The following MECOM variants were observed in gnomAD, a reference collection of about 807,000 sequenced individuals.
MECOM encodes MDS1 and EVI1 complex locus.
A neutral mutation model predicts 116.3 loss-of-function variants in MECOM; 13 were observed. That is an observed-to-expected ratio of 0.11 (90% CI 0.07 to 0.18). The LOEUF is 0.18. MECOM is among the 10% of genes least tolerant of loss of function. The pLI, the probability that MECOM is intolerant of heterozygous loss-of-function variation, is 1.00. For missense variants in MECOM, 1,299 were observed against 1,509.0 expected (o/e 0.86, Z 2.31); for synonymous variants, 528 against 535.2 (o/e 0.99, Z 0.19).
Position 169,344,193 on chromosome 3 carries a change from G to A in MECOM, c.375+36994C>T, listed in dbSNP as rs566356854. ...AACATAAGTTGGAATACTATACTGC[G>A]TGTGTATGGATGTGTGTCTATATCA... On this transcript the variant is annotated intron_variant, in intron 2 of 16. Coordinates refer to ENST00000651503, the MANE Select transcript of MECOM (RefSeq NM_004991.4). Among the ~76,000 whole-genome samples, 8 of 152,160 alleles carry A rather than the reference G, an allele frequency of 5.3e-5. No individual in the cohort carries two copies. In the East Asian group the frequency reaches 1.2e-3, roughly 22 times the overall value.
intron 2 of MECOM, among the ~76,000 whole-genome samples, chr3:169,184,036 T>C (rs925223544): frequency 6.6e-6 from 1 of 151,794 alleles, no homozygotes. Context: ...GGCTAATTTT[T>C]TGTATTTTTA....
chr3:169,466,973 T>G (rs1748417149), intron 1 of MECOM: 1 of 152,218 alleles, frequency 6.6e-6, no homozygotes, highest in Admixed American at 6.5e-5. Context: ...CAAATGTTGT[T>G]GAAATGTACA....
chr3:169,604,246 CCTCCCTCTCTCTCTTTCTCTCTCTCT>C (rs1188554937), intron 1 of MECOM, among the ~76,000 whole-genome samples: 1 of 151,152 alleles, frequency 6.6e-6, no homozygotes, highest in Non-Finnish European at 1.5e-5. Flanking sequence ...TCTCTCCCTC[CCTCCCTCTCTCTCTTTCTCTCTCTCT>C]CTCCCTCCCT....
At chr3:169,346,304 A>G (rs911873516) in intron 2 of MECOM, among the ~76,000 whole-genome samples, 4 of 152,240 alleles carry the variant, frequency 2.6e-5, no homozygotes, top group African/African-American at 7.2e-5. Context: ...TATGAACTGC[A>G]TATTTTCAAA....
intron 10 of MECOM, among the ~76,000 whole-genome samples, chr3:169,105,352 T>G (rs1725027241): frequency 1.3e-5 from 2 of 152,114 alleles, no homozygotes; most frequent in African/African-American, 4.8e-5. Flanking sequence ...CTCTATTGAG[T>G]GCACAGATCA....
chr3:169,383,827 C>G (rs137959204), intron 1 of MECOM, among the ~76,000 whole-genome samples: 2 of 152,280 alleles, frequency 1.3e-5, no homozygotes, highest in Admixed American at 1.3e-4. Context: ...AGGGAACCCC[C>G]AAGTTAGAGT....
intron 3 of MECOM, 70 bp from the exon 4 acceptor site, chr3:169,131,601 G>A (rs1734734716): frequency 8.5e-7 from 1 of 1,178,330 alleles, no homozygotes; most frequent in South Asian, 1.3e-5. Context: ...CAAAGGGCAA[G>A]ATATACACTA....
intron 2 of MECOM, among the ~76,000 whole-genome samples, chr3:169,166,705 A>C (rs1743648123): frequency 6.6e-6 from 1 of 152,220 alleles, no homozygotes; most frequent in Non-Finnish European, 1.5e-5. Context: ...GAGTAAACTA[A>C]GAGTTCAAAC....
intron 2 of MECOM, among the ~76,000 whole-genome samples, chr3:169,308,311 T>C (rs1466300035): frequency 2.6e-5 from 4 of 152,200 alleles, no homozygotes; most frequent in Admixed American, 2.0e-4. Flanking sequence ...ATGTAAACAT[T>C]GGGAATGTAA....
intron 2 of MECOM, among the ~76,000 whole-genome samples, chr3:169,367,078 C>G (rs889314311): frequency 5.9e-5 from 9 of 152,024 alleles, no homozygotes; most frequent in African/African-American, 2.2e-4. Context: ...CAAATCCAGT[C>G]GCTGGGTAAC....
chr3:169,205,673 G>T (rs1749827991), intron 2 of MECOM, among the ~76,000 whole-genome samples: 2 of 152,200 alleles, frequency 1.3e-5, no homozygotes, highest in South Asian at 4.1e-4. Flanking sequence ...GGAAGAGGAA[G>T]ATTGACATAA....
intron 2 of MECOM, among the ~76,000 whole-genome samples, chr3:169,197,277 T>A (rs1373061330): frequency 2.6e-5 from 4 of 151,374 alleles, no homozygotes; most frequent in Admixed American, 6.6e-5. Flanking sequence ...ACAATTTACC[T>A]GTATAACAAA....
At chr3:169,279,336 T>C (rs1167627986) in intron 2 of MECOM, among the ~76,000 whole-genome samples, 1 of 152,146 alleles carries the variant, frequency 6.6e-6, no homozygotes, top group Non-Finnish European at 1.5e-5. Context: ...ATTAGCTGGG[T>C]CAGTTTCTTC....
At chr3:169,663,282 T>G in intron 1 of MECOM, 54 bp downstream of exon 1, 1 of 1,572,358 alleles carries the variant, frequency 6.4e-7, no homozygotes, top group African/African-American at 1.4e-5. Context: ...GAGACAGATA[T>G]GCAAGATGGC....
chr3:169,337,932 C>T (rs1003412720), intron 2 of MECOM, among the ~76,000 whole-genome samples: 8 of 152,264 alleles, frequency 5.3e-5, no homozygotes, highest in Admixed American at 2.6e-4. Flanking sequence ...CCTATCTGTC[C>T]TTTGTGACTA....
intron 2 of MECOM, among the ~76,000 whole-genome samples, chr3:169,244,958 C>A (rs777270373): frequency 2.0e-5 from 3 of 151,996 alleles, no homozygotes; most frequent in Non-Finnish European, 4.4e-5. Flanking sequence ...CTCCATCACA[C>A]ACAAAAAAAC....
At chr3:169,262,730 A>C (rs1757714933) in intron 2 of MECOM, among the ~76,000 whole-genome samples, 1 of 152,140 alleles carries the variant, frequency 6.6e-6, no homozygotes. Flanking sequence ...GACATCGATT[A>C]AGACATAAAC....
chr3:169,325,373 T>C (rs1721668508), intron 2 of MECOM, among the ~76,000 whole-genome samples: 1 of 152,184 alleles, frequency 6.6e-6, no homozygotes, highest in Non-Finnish European at 1.5e-5. Context: ...ATAAAGGCCA[T>C]GACATAACAA....
At chr3:169,482,435 C>T (rs1751462332) in intron 1 of MECOM, among the ~76,000 whole-genome samples, 2 of 151,282 alleles carry the variant, frequency 1.3e-5, no homozygotes, top group Admixed American at 1.3e-4. Flanking sequence ...GGGTTCAAGC[C>T]ATTCTCCTGC....
Sources: gnomAD v4.1 joint callset for allele counts (sites outside exome capture counted in the v4.1 genomes callset) on GRCh38, gnomAD v4.1.1 for gene constraint, MANE v1.5 for transcripts, NCBI Gene and HGNC (gene_info 2026-07-23, HGNC 2026-07-21) for gene names.